The following PCNX2 variants were observed in gnomAD, a reference collection of about 807,000 sequenced individuals.
The protein encoded by PCNX2 is pecanex 2.
A neutral mutation model predicts 223.8 loss-of-function variants in PCNX2; 168 were observed. That is an observed-to-expected ratio of 0.75 (90% CI 0.66 to 0.85). The LOEUF is 0.85. Ranked by LOEUF, PCNX2 falls within the 40% of genes least tolerant of loss-of-function variation. The probability of loss-of-function intolerance (pLI) is 0.00; values close to 1 mark genes in which losing one functional copy is unlikely to be tolerated. For missense variants in PCNX2, 2,507 were observed against 2,675.5 expected, an observed-to-expected ratio of 0.94 and a Z score of 1.39; for synonymous variants, 1,006 against 1,052.6, an observed-to-expected ratio of 0.96 and a Z score of 0.86.
At chr1:233,209,011 C>G (rs1047218502) in intron 12 of PCNX2, among the ~76,000 whole-genome samples, 3 of 152,022 alleles carry the variant, frequency 2.0e-5, no homozygotes, top group Non-Finnish European at 2.9e-5. Flanking sequence ...CAATGCTTTC[C>G]CCAACAGTGA....
At position 232,990,461 on chromosome 1, in the gene PCNX2, A is replaced by G. The variant is rs1298233517; in HGVS notation, c.5792-3921T>C. On this transcript the variant is annotated intron_variant, in intron 32 of 33. Coordinates refer to ENST00000258229, the MANE Select transcript of PCNX2 (RefSeq NM_014801.4). This position sits in a 1 kb window ranked among gnomAD's most constrained non-coding sequence, Gnocchi z 4.3. ...ATGATGGTACATTTCAGGAGAGCCA[A>G]CAAGATCGGCAGCTCTTGGCTCCAC... is the stretch of plus-strand genomic sequence containing the variant. Among the ~76,000 whole-genome samples, 2 of 152,204 alleles carry G rather than the reference A, an allele frequency of 1.3e-5. No homozygotes were observed. The highest frequency in any genetic ancestry group is 2.9e-5 in the Non-Finnish European group (2 of 68,026).
At chr1:233,251,516 C>T (rs1431958880) in intron 7 of PCNX2, among the ~76,000 whole-genome samples, 1 of 152,234 alleles carries the variant, frequency 6.6e-6, no homozygotes, top group Non-Finnish European at 1.5e-5. Flanking sequence ...TTGTGAGCAG[C>T]TGGAAGGTGG....
Position 233,259,031 on chromosome 1 carries a change from C to T in PCNX2, c.831G>A (p.Gly277=), listed in dbSNP as rs1329395178. 2 of 1,613,836 alleles carry T rather than the reference C, an allele frequency of 1.2e-6. No individual in the cohort carries two copies. The highest frequency in any genetic ancestry group is 1.3e-5 in the African/African-American group (1 of 74,914). ...CTGGAATCAGGACTGAATTCTCACT[C>T]CCCCACGGCTGGAAAGAAACGTCTG... is the stretch of plus-strand genomic sequence containing the variant. ...LETDVSFQPW[G]SENSVLIPEP... The change falls in exon 5 of 34, where the codon GGG becomes GGA. Residue 277 remains glycine, a synonymous_variant. Transcript: ENST00000258229.
chr1:233,252,205 A>G, intron 7 of PCNX2, 149 bp downstream of exon 7: 1 of 880,218 alleles, frequency 1.1e-6, no homozygotes. Flanking sequence ...GAGGCAGCAC[A>G]CTCCATTCAA....
chr1:233,180,062 C>T (rs1679702346), intron 15 of PCNX2, among the ~76,000 whole-genome samples: 2 of 152,316 alleles, frequency 1.3e-5, no homozygotes, highest in South Asian at 4.1e-4. Flanking sequence ...CGCCATTGTT[C>T]CATCTGCATA....
chr1:233,111,615 G>A (rs189978121), intron 21 of PCNX2, among the ~76,000 whole-genome samples: 3 of 152,074 alleles, frequency 2.0e-5, no homozygotes, highest in South Asian at 2.1e-4. Flanking sequence ...TGTTGTCCAG[G>A]GTGGTCTTGA....
chr1:232,995,977 C>T (rs926779343), intron 32 of PCNX2, among the ~76,000 whole-genome samples: 3 of 152,184 alleles, frequency 2.0e-5, no homozygotes, highest in Admixed American at 2.0e-4. Context: ...CCTGCCTCAG[C>T]CTCCCAAGTA....
intron 23 of PCNX2, among the ~76,000 whole-genome samples, chr1:233,062,331 TA>T (rs561895002): frequency 4.6e-4 from 70 of 152,346 alleles, no homozygotes; most frequent in Admixed American, 1.1e-3. Context: ...TTATGTTATT[TA>T]TTTCTTCTAT....
chr1:233,166,357 G>A (rs1292011166), intron 17 of PCNX2, among the ~76,000 whole-genome samples: 1 of 151,978 alleles, frequency 6.6e-6, no homozygotes, highest in East Asian at 1.9e-4. Context: ...CTTAAATGGA[G>A]CACTAAAAGT....
intron 15 of PCNX2, among the ~76,000 whole-genome samples, chr1:233,183,349 G>A (rs186258546): frequency 5.3e-5 from 8 of 152,200 alleles, no homozygotes; most frequent in Non-Finnish European, 1.0e-4. Flanking sequence ...TTCTTTCCCC[G>A]GTACCTGGCA....
At chr1:233,217,834 G>A in intron 12 of PCNX2, 65 bp downstream of exon 12, 1 of 1,590,814 alleles carries the variant, frequency 6.3e-7, no homozygotes, top group South Asian at 1.1e-5. Context: ...ACTAGATTTT[G>A]GCTTTTTCCC....
intron 15 of PCNX2, among the ~76,000 whole-genome samples, chr1:233,184,273 T>G (rs1572036807): frequency 6.6e-6 from 1 of 152,086 alleles, no homozygotes; most frequent in South Asian, 2.1e-4. Flanking sequence ...CAGAAGTTGG[T>G]TCCAGGCTCA....
intron 9 of PCNX2, among the ~76,000 whole-genome samples, chr1:233,229,659 G>C (rs1285418964): frequency 2.0e-5 from 3 of 151,986 alleles, no homozygotes; most frequent in Non-Finnish European, 2.9e-5. Flanking sequence ...CTTAAAGCGG[G>C]GTTTCATATG....
At chr1:232,993,380 G>T (rs184554873) in intron 32 of PCNX2, among the ~76,000 whole-genome samples, 2 of 152,312 alleles carry the variant, frequency 1.3e-5, no homozygotes, top group Admixed American at 1.3e-4. Flanking sequence ...TGAGAGAGAT[G>T]ATTTAGGGTA....
At chr1:233,079,771 C>CTGTCCTCAGCAAAGCCTTCCTTTGTGTT (rs1376546393) in intron 23 of PCNX2, among the ~76,000 whole-genome samples, 22 of 152,140 alleles carry the variant, frequency 1.4e-4, no homozygotes, top group African/African-American at 5.1e-4. Context: ...TTTGTGTTCG[C>CTGTCCTCAGCAAAGCCTTCCTTTGTGTT]TGTGTCCTCA....
the PCNX2 span, among the ~76,000 whole-genome samples, chr1:233,316,304 T>G: frequency 2.0e-5 from 3 of 152,214 alleles, no homozygotes; most frequent in African/African-American, 7.2e-5. Context: ...GCTTTGACAC[T>G]AACAACAGAT....
rs1679569687 is a variant in PCNX2, at chr1:233,177,839, G to A, written c.3236C>T (p.Ala1079Val). 6.2e-7 allele frequency: 1 copy of A among 1,613,954 alleles called. No individual in the cohort carries two copies. Among genetic ancestry groups the A allele is most frequent in the Non-Finnish European group, 8.5e-7 (1 of 1,179,852 alleles). Residue 1079 changes from alanine (A) to valine (V), a missense_variant, in exon 17 of 34, where the codon GCT (alanine) becomes GTT (valine). Ala to Val is a moderately conservative substitution (Grantham distance 64). Coordinates refer to ENST00000258229, the MANE Select transcript of PCNX2 (RefSeq NM_014801.4). ...KFLHQNLAES[A>V]ADPLPKKMKD... ...CATCTTCTTGGGGAGAGGGTCAGCA[G>A]CTGACTCTGCCAGATTTTGATGTAA... is the stretch of plus-strand genomic sequence containing the variant.
In PCNX2 at chr1:233,106,347, C is replaced by CTTT. The variant is rs912803573; in HGVS notation, c.3838-10487_3838-10485dup. ...CTGTTGGGGGCTTCCTCTCCTCCCT[C>CTTT]TTTTTTTTTTTTTTTTTTTTTTTGA... On this transcript the variant is annotated intron_variant, in intron 21 of 33. Coordinates refer to ENST00000258229, the MANE Select transcript of PCNX2 (RefSeq NM_014801.4). Among the ~76,000 whole-genome samples the CTTT allele has an allele frequency of 2.9e-3, 335 of 115,628 alleles. 1 individual carries two copies. The highest frequency in any genetic ancestry group is 3.5e-3 in the African/African-American group (102 of 29,400). The allele number at this position is 115,628 out of a possible 152,430, so 75.9% of individuals were successfully genotyped here.
intron 3 of PCNX2, 46 bp from the exon 4 acceptor site, chr1:233,261,367 C>T (rs182593112): frequency 2.0e-4 from 322 of 1,576,948 alleles, no homozygotes; most frequent in Non-Finnish European, 2.6e-4. Context: ...CTCAGCTGAC[C>T]GTCCATTTCC....
Sources: allele counts gnomAD v4.1 joint callset (sites outside exome capture counted in the v4.1 genomes callset), GRCh38; gene constraint gnomAD v4.1.1; non-coding constraint Gnocchi (gnomAD v3.1); transcripts MANE v1.5; gene names NCBI Gene and HGNC (gene_info 2026-07-23, HGNC 2026-07-21).